SMAD3: variants seen among roughly 807,000 people sequenced by gnomAD.
SMAD3 encodes SMAD family member 3.
A neutral mutation model predicts 51.8 loss-of-function variants in SMAD3; 12 were observed. The ratio of observed to expected loss-of-function variants is 0.23; its 90% CI spans 0.15 to 0.38. The LOEUF (loss-of-function observed/expected upper bound fraction) is 0.38. Among genes scored for constraint, SMAD3 ranks in the 10% least tolerant of loss-of-function variants. The pLI, the probability that SMAD3 is intolerant of heterozygous loss-of-function variation, is 1.00. For missense variants in SMAD3, 294 were observed against 565.6 expected (o/e 0.52, Z 4.87); for synonymous variants, 238 against 227.7 (o/e 1.05, Z -0.41).
At chr15:67,150,456 C>G (rs1962099699) in intron 1 of SMAD3, among the ~76,000 whole-genome samples, 1 of 151,760 alleles carries the variant, frequency 6.6e-6, no homozygotes. Context: ...CCCCAAAAGT[C>G]TGTGAGAATC....
chr15:67,153,452 C>T (rs1962199917), intron 1 of SMAD3, among the ~76,000 whole-genome samples: 1 of 141,062 alleles, frequency 7.1e-6, no homozygotes. Context: ...CCGCTGTACT[C>T]CAGCCTGGGC....
chr15:67,142,265 C>T (rs1317732207), intron 1 of SMAD3, among the ~76,000 whole-genome samples: 2 of 137,100 alleles, frequency 1.5e-5, no homozygotes, highest in African/African-American at 2.8e-5. Context: ...TTTTTTTTTC[C>T]CCCGTACACT....
At chr15:67,122,116 G>T (rs1030146566) in intron 1 of SMAD3, among the ~76,000 whole-genome samples, 2 of 152,206 alleles carry the variant, frequency 1.3e-5, no homozygotes, top group Non-Finnish European at 2.9e-5. Context: ...CTGGTCTAAG[G>T]TCCGGACATA....
chr15:67,194,901 A>G lies in SMAD3; in HGVS notation c.*4365A>G, dbSNP rs1037685997. The G allele has an allele frequency of 4.3e-6, 1 of 233,532 alleles. No homozygotes were observed. Among genetic ancestry groups the G allele is most frequent in the African/African-American group, 2.2e-5 (1 of 45,306 alleles). The allele number at this position is 233,532 out of a possible 1,614,324, so 14.5% of individuals were successfully genotyped here. A position where few individuals can be genotyped will look rare whatever the true frequency, so the allele number is the denominator to read the frequency against. On this transcript the variant is annotated 3_prime_UTR_variant, in exon 9 of 9. Transcript: ENST00000327367. ...ACTCACCTTCACTGCTGCTGTTGCA[A>G]CTCGGCTGTTCTGGACTCTGATGTG...
chr15:67,177,739 T>G (rs2140309998), intron 5 of SMAD3, among the ~76,000 whole-genome samples: 1 of 152,162 alleles, frequency 6.6e-6, no homozygotes, highest in Non-Finnish European at 1.5e-5. Context: ...TTTTGTTTTT[T>G]TTTTTGTTAA....
intron 1 of SMAD3, among the ~76,000 whole-genome samples, chr15:67,160,288 A>T (rs1409939534): frequency 6.6e-6 from 1 of 152,252 alleles, no homozygotes; most frequent in Non-Finnish European, 1.5e-5. Flanking sequence ...GTTGTTCCAC[A>T]TCCTTGCCAA....
intron 1 of SMAD3, among the ~76,000 whole-genome samples, chr15:67,084,878 A>C (rs554540293): frequency 6.6e-6 from 1 of 152,358 alleles, no homozygotes; most frequent in African/African-American, 2.4e-5. Context: ...GGAAACCAAC[A>C]ATCAGCTCTC....
intron 1 of SMAD3, among the ~76,000 whole-genome samples, chr15:67,130,885 TG>T (rs1340276529): frequency 7.1e-6 from 1 of 141,732 alleles, no homozygotes; most frequent in Admixed American, 7.0e-5. Flanking sequence ...TGATAGCTAG[TG>T]GGGGGTATGA....
At position 67,190,656 on chromosome 15, in the gene SMAD3, C is replaced by T. The variant is rs1211562305; in HGVS notation, c.*120C>T. 1.9e-6 allele frequency: 2 copies of T among 1,077,492 alleles called. No homozygotes were observed. Among genetic ancestry groups the T allele is most frequent in the Non-Finnish European group, 2.8e-6 (2 of 725,520 alleles). 66.7% of individuals were successfully genotyped at this position (1,077,492 alleles called of 1,614,324 possible). ...GGAAGAAGAAATCTTTCTCCCTCAA[C>T]TGAAGGGGTGCACCCACCTGTTTTC... On this transcript the variant is annotated 3_prime_UTR_variant, in exon 9 of 9. Coordinates refer to ENST00000327367, the MANE Select transcript of SMAD3 (RefSeq NM_005902.4).
chr15:67,069,582 T>C (rs1960006371), intron 1 of SMAD3, among the ~76,000 whole-genome samples: 1 of 152,116 alleles, frequency 6.6e-6, no homozygotes, highest in South Asian at 2.1e-4. Context: ...AGACCAAGCT[T>C]AAAGCATTGC....
chr15:67,160,587 A>G (rs1452831354), intron 1 of SMAD3, among the ~76,000 whole-genome samples: 2 of 152,050 alleles, frequency 1.3e-5, no homozygotes, highest in African/African-American at 4.8e-5. Context: ...CCTGGTTAAC[A>G]CATGAAACCC....
intron 1 of SMAD3, among the ~76,000 whole-genome samples, chr15:67,111,540 T>C (rs1961014409): frequency 6.6e-6 from 1 of 152,198 alleles, no homozygotes; most frequent in Non-Finnish European, 1.5e-5. Flanking sequence ...TTTGGTAGCT[T>C]TGTTTACCTT....
At chr15:67,132,689 T>C (rs1237209198) in intron 1 of SMAD3, among the ~76,000 whole-genome samples, 1 of 152,186 alleles carries the variant, frequency 6.6e-6, no homozygotes, top group Non-Finnish European at 1.5e-5. Flanking sequence ...TAGGTTTGAG[T>C]TGTTGCCCTC....
At chr15:67,187,582 C>G in intron 8 of SMAD3, 73 bp downstream of exon 8, 1 of 1,572,314 alleles carries the variant, frequency 6.4e-7, no homozygotes, top group South Asian at 1.1e-5. Context: ...AGGCAGGGCT[C>G]CTCAGAGATG....
At chr15:67,170,352 A>G (rs1288884198) in intron 4 of SMAD3, among the ~76,000 whole-genome samples, 1 of 152,216 alleles carries the variant, frequency 6.6e-6, no homozygotes, top group East Asian at 1.9e-4. Flanking sequence ...CACTCAATGC[A>G]TTCATTCCAG....
At chr15:67,086,300 T>C (rs1327561578) in intron 1 of SMAD3, among the ~76,000 whole-genome samples, 1 of 152,136 alleles carries the variant, frequency 6.6e-6, no homozygotes. Flanking sequence ...AGAGTGTCCC[T>C]GTCTTTGGCT....
At chr15:67,101,694 G>A (rs1430359212) in intron 1 of SMAD3, among the ~76,000 whole-genome samples, 1 of 152,258 alleles carries the variant, frequency 6.6e-6, no homozygotes, top group Non-Finnish European at 1.5e-5. Context: ...GGCAAGGAAT[G>A]ACAAGATCGA....
chr15:67,171,909 C>T lies in SMAD3; in HGVS notation c.658+1305C>T, dbSNP rs115905391. ...AAGGCCATGATGGTGAACTTGACTC[C>T]GGGCTTTCAGCTTTTGAGATTGGCT... On this transcript the variant is annotated intron_variant, in intron 5 of 8. Transcript: ENST00000327367. 1.0e-2 allele frequency among the ~76,000 whole-genome samples: 1,518 copies of T among 152,256 alleles called. 21 individuals carry two copies. The highest frequency in any genetic ancestry group is 0.034 in the African/African-American group (1,427 of 41,544).
At chr15:67,139,163 A>T (rs897814615) in intron 1 of SMAD3, among the ~76,000 whole-genome samples, 1 of 152,244 alleles carries the variant, frequency 6.6e-6, no homozygotes, top group African/African-American at 2.4e-5. Flanking sequence ...TTCTGTGCTC[A>T]CTGTGGAAAA....
Sources: gnomAD v4.1 joint callset for allele counts (sites outside exome capture counted in the v4.1 genomes callset) on GRCh38, gnomAD v4.1.1 for gene constraint, MANE v1.5 for transcripts, NCBI Gene and HGNC (gene_info 2026-07-23, HGNC 2026-07-21) for gene names.